The following ADAMTSL3 variants were observed in gnomAD, a reference collection of about 807,000 sequenced individuals.
ADAMTSL3 encodes ADAMTS like 3.
ADAMTSL3 carries 128 observed loss-of-function variants against 201.7 expected under a neutral mutation model. The ratio of observed to expected loss-of-function variants is 0.63; its 90% confidence interval spans 0.55 to 0.73. ADAMTSL3 has a LOEUF of 0.73. Ranked by LOEUF, ADAMTSL3 falls within the 30% of genes least tolerant of loss-of-function variation. The pLI is 0.00. For missense variants in ADAMTSL3, 1,990 were observed against 2,119.6 expected (o/e 0.94, Z 1.20); for synonymous variants, 738 against 748.4 (o/e 0.99, Z 0.23).
chr15:83,859,191 A>C (rs1349850458), intron 8 of ADAMTSL3, among the ~76,000 whole-genome samples: 2 of 152,254 alleles, frequency 1.3e-5, no homozygotes, highest in Non-Finnish European at 2.9e-5. Context: ...GAGGCTACGC[A>C]CTGGTTTGAC....
At chr15:83,822,885 T>C (rs997837431) in intron 6 of ADAMTSL3, among the ~76,000 whole-genome samples, 1 of 151,900 alleles carries the variant, frequency 6.6e-6, no homozygotes, top group African/African-American at 2.4e-5. Context: ...ATCACGCCAC[T>C]GCACTCCAGC....
intron 28 of ADAMTSL3, among the ~76,000 whole-genome samples, chr15:84,033,384 G>A (rs2068443605): frequency 6.6e-6 from 1 of 152,158 alleles, no homozygotes; most frequent in Non-Finnish European, 1.5e-5. Context: ...TGCTTGGCTG[G>A]GCATGGTGGC....
chr15:83,820,473 CAGTAGGTAAA>C (rs1179778308), intron 6 of ADAMTSL3, among the ~76,000 whole-genome samples: 1 of 152,182 alleles, frequency 6.6e-6, no homozygotes, highest in African/African-American at 2.4e-5. Flanking sequence ...GTTTCTGATT[CAGTAGGTAAA>C]AGGGATGGGG....
chr15:83,773,422 T>C, intron 3 of ADAMTSL3, 101 bp from the exon 4 acceptor site: 1 of 1,285,156 alleles, frequency 7.8e-7, no homozygotes, highest in Non-Finnish European at 1.1e-6. Flanking sequence ...AAAAAAAAGG[T>C]GACTCTGGAA....
rs552253679 is a variant in ADAMTSL3, at chr15:83,925,307, T to C, written c.2117+1274T>C. The stretch of plus-strand genomic sequence containing the variant: ...CCATGTAATGTAGGATACAGTGTTT[T>C]GTATCCATTACCATATTTCTCGCTT... On this transcript the variant is annotated intron_variant, in intron 17 of 29. Coordinates refer to ENST00000286744, the MANE Select transcript of ADAMTSL3 (RefSeq NM_207517.3). Among the ~76,000 whole-genome samples, 7 of 152,332 alleles carry C rather than the reference T, an allele frequency of 4.6e-5. No homozygotes were observed. The East Asian group carries it at 1.4e-3, about 29-fold the overall frequency.
At chr15:83,745,111 C>T (rs1173387943) in intron 3 of ADAMTSL3, among the ~76,000 whole-genome samples, 3 of 152,212 alleles carry the variant, frequency 2.0e-5, no homozygotes, top group African/African-American at 7.2e-5. Flanking sequence ...AGCAACTGGA[C>T]ATCAGAGAGA....
intron 9 of ADAMTSL3, among the ~76,000 whole-genome samples, chr15:83,873,240 G>T (rs1476021150): frequency 6.9e-6 from 1 of 144,994 alleles, no homozygotes; most frequent in African/African-American, 2.6e-5. Context: ...GGAGGCAGAG[G>T]TTGCAGTGAG....
intron 3 of ADAMTSL3, among the ~76,000 whole-genome samples, chr15:83,733,425 T>C (rs1430989210): frequency 6.6e-6 from 1 of 152,092 alleles, no homozygotes; most frequent in Non-Finnish European, 1.5e-5. Flanking sequence ...ACTGACCCTG[T>C]TGGGTAGAGA....
chr15:84,017,294 T>C (rs2068104345), intron 25 of ADAMTSL3, among the ~76,000 whole-genome samples: 2 of 152,150 alleles, frequency 1.3e-5, no homozygotes, highest in South Asian at 4.1e-4. Flanking sequence ...ATTTTTTGTA[T>C]TTTTAGTGGA....
At chr15:84,031,250 C>A in intron 27 of ADAMTSL3, 85 bp from the exon 28 acceptor site, 2 of 1,346,242 alleles carry the variant, frequency 1.5e-6, no homozygotes, top group Non-Finnish European at 2.1e-6. Context: ...AGGTCTTCAG[C>A]TATCCTGCCT....
intron 16 of ADAMTSL3, among the ~76,000 whole-genome samples, chr15:83,916,311 A>G (rs2141969816): frequency 6.6e-6 from 1 of 152,274 alleles, no homozygotes; most frequent in East Asian, 1.9e-4. Context: ...GGTATATTTT[A>G]TCATTTAATC....
intron 4 of ADAMTSL3, among the ~76,000 whole-genome samples, chr15:83,782,911 C>T (rs1355915965): frequency 4.4e-5 from 2 of 45,178 alleles, no homozygotes. Context: ...CAATGGATAG[C>T]GTATATATAT....
At chr15:83,726,506 T>C (rs1304452430) in intron 3 of ADAMTSL3, among the ~76,000 whole-genome samples, 1 of 152,150 alleles carries the variant, frequency 6.6e-6, no homozygotes, top group Non-Finnish European at 1.5e-5. Flanking sequence ...TTTTCCCTTA[T>C]GCAGTATGAT....
At chr15:83,871,295 C>CT (rs2065076661) in intron 9 of ADAMTSL3, among the ~76,000 whole-genome samples, 1 of 152,162 alleles carries the variant, frequency 6.6e-6, no homozygotes, top group African/African-American at 2.4e-5. Context: ...CTATTCACAG[C>CT]TGCAGTCATA....
At chr15:83,707,435 A>G (rs1363594322) in intron 3 of ADAMTSL3, among the ~76,000 whole-genome samples, 4 of 152,234 alleles carry the variant, frequency 2.6e-5, no homozygotes, top group Admixed American at 6.5e-5. Flanking sequence ...AATATTTTCA[A>G]TTAATTTTTT....
At chr15:83,842,457 C>T (rs1423964449) in intron 7 of ADAMTSL3, among the ~76,000 whole-genome samples, 1 of 152,128 alleles carries the variant, frequency 6.6e-6, no homozygotes, top group East Asian at 2.0e-4. Context: ...ACCTGCCCGT[C>T]TGCATGCTCC....
intron 16 of ADAMTSL3, among the ~76,000 whole-genome samples, chr15:83,919,396 G>A (rs1208015877): frequency 1.3e-5 from 2 of 152,180 alleles, no homozygotes; most frequent in Non-Finnish European, 2.9e-5. Context: ...TGGTGTGGTG[G>A]AAACCAAGGT....
Position 83,892,882 on chromosome 15 carries a change from G to A in ADAMTSL3, c.1461G>A (p.Trp487Ter), listed in dbSNP as rs2065538680. 6 of 1,613,792 alleles carry A rather than the reference G, an allele frequency of 3.7e-6. No homozygotes were observed. The highest frequency in any genetic ancestry group is 4.2e-6 in the Non-Finnish European group (5 of 1,179,874). The change falls in exon 13 of 30, where the codon TGG becomes TGA. Residue 487 changes from tryptophan to a stop codon, truncating the protein, a stop_gained. Transcript: ENST00000286744. LOFTEE classifies it high-confidence loss of function. The part of the protein sequence containing the change: ...FDCPKWIAME[W>*]SQCTVTCGRG... ...GCCCCAAGTGGATTGCCATGGAGTG[G>A]TCTCAGGTAAGATTTGAGAATATGC... is the stretch of plus-strand genomic sequence containing the variant.
intron 3 of ADAMTSL3, among the ~76,000 whole-genome samples, chr15:83,751,928 A>G (rs1037656588): frequency 3.9e-5 from 6 of 152,224 alleles, no homozygotes; most frequent in African/African-American, 1.4e-4. Flanking sequence ...AAAATCATCA[A>G]TAGTAGCGTG....
Sources: allele counts gnomAD v4.1 joint callset (sites outside exome capture counted in the v4.1 genomes callset), GRCh38; gene constraint gnomAD v4.1.1; transcripts MANE v1.5; gene names NCBI Gene and HGNC (gene_info 2026-07-23, HGNC 2026-07-21).